The following RBFOX3 variants were observed in gnomAD, a reference collection of about 807,000 sequenced individuals.
RBFOX3 encodes the protein RNA binding fox-1 homolog 3, also known as RNA binding protein fox-1 homolog 3.
In RBFOX3, 17 loss-of-function variants were observed where a neutral mutation model predicts 48.7. The observed-to-expected ratio is 0.35, with a 90% CI of 0.24 to 0.52. The LOEUF is 0.52. Ranked by LOEUF, RBFOX3 falls within the 20% of genes least tolerant of loss-of-function variation. RBFOX3 has a pLI of 0.94. For missense variants in RBFOX3, 382 were observed against 497.5 expected, an observed-to-expected ratio of 0.77 and a Z score of 2.21; for synonymous variants, 212 against 209.5, an observed-to-expected ratio of 1.01 and a Z score of -0.10.
At chr17:79,563,300 C>T (rs1046491999) in intron 1 of RBFOX3, among the ~76,000 whole-genome samples, 1 of 152,174 alleles carries the variant, frequency 6.6e-6, no homozygotes, top group Non-Finnish European at 1.5e-5. Context: ...CAGAGGCTGA[C>T]TCATCTATTG....
At chr17:79,178,422 C>T (rs1362927211) in intron 4 of RBFOX3, among the ~76,000 whole-genome samples, 3 of 152,186 alleles carry the variant, frequency 2.0e-5, no homozygotes, top group Non-Finnish European at 4.4e-5. Flanking sequence ...GGAAAAGGAC[C>T]AGAACTTCCT....
At chr17:79,247,101 C>A (rs1380677750) in intron 3 of RBFOX3, among the ~76,000 whole-genome samples, 7 of 152,122 alleles carry the variant, frequency 4.6e-5, no homozygotes, top group Non-Finnish European at 1.0e-4. Flanking sequence ...AATCCGTCTC[C>A]ATCAACCTAC....
At chr17:79,404,229 C>T (rs897608233) in intron 2 of RBFOX3, among the ~76,000 whole-genome samples, 5 of 152,198 alleles carry the variant, frequency 3.3e-5, no homozygotes, top group African/African-American at 7.2e-5. Flanking sequence ...GACTGAGGCC[C>T]GTGAGGACAG....
chr17:79,559,676 T>C (rs1198362756), intron 1 of RBFOX3, among the ~76,000 whole-genome samples: 1 of 128,700 alleles, frequency 7.8e-6, no homozygotes, highest in Non-Finnish European at 1.6e-5. Flanking sequence ...GGTGGGTGGA[T>C]GGATGAGTGG....
chr17:79,596,652 G>A (rs1334505600), intron 1 of RBFOX3, among the ~76,000 whole-genome samples: 2 of 152,222 alleles, frequency 1.3e-5, no homozygotes, highest in African/African-American at 2.4e-5. Flanking sequence ...AGGTGCTCTG[G>A]GAAGACATGG....
At chr17:79,417,328 A>G (rs2065537971) in intron 2 of RBFOX3, among the ~76,000 whole-genome samples, 1 of 152,160 alleles carries the variant, frequency 6.6e-6, no homozygotes, top group African/African-American at 2.4e-5. Context: ...AGCTCTCAGG[A>G]AAGAAGGGGC....
intron 2 of RBFOX3, among the ~76,000 whole-genome samples, chr17:79,414,722 G>C (rs1324498589): frequency 6.6e-5 from 10 of 152,242 alleles, no homozygotes; most frequent in Non-Finnish European, 8.8e-5. Flanking sequence ...AAGAGGATGG[G>C]CACCTGGGAA....
At chr17:79,475,209 C>T (rs1367145362) in intron 2 of RBFOX3, among the ~76,000 whole-genome samples, 2 of 152,146 alleles carry the variant, frequency 1.3e-5, no homozygotes, top group African/African-American at 2.4e-5. Context: ...CCTCCCTCTC[C>T]ACTAGGTCTG....
rs76859716 is a variant in RBFOX3 at position 79,100,863 on chromosome 17, C to T, written c.568+721G>A. ...CGGCAGATCCATCTCCAAGGAAGAC[C>T]GGCCACCTCCGTTTGCAGTGGGGTG... On this transcript the variant is annotated intron_variant, in intron 9 of 14. Coordinates refer to ENST00000693108, the MANE Select transcript of RBFOX3 (RefSeq NM_001350451.2). Among the ~76,000 whole-genome samples the T allele has an allele frequency of 2.0e-3, 299 of 152,288 alleles. 2 individuals are homozygous for T. Among genetic ancestry groups the T allele is most frequent in the African/African-American group, 6.7e-3 (279 of 41,552 alleles).
At chr17:79,327,172 C>A (rs922546982) in intron 2 of RBFOX3, among the ~76,000 whole-genome samples, 1 of 152,370 alleles carries the variant, frequency 6.6e-6, no homozygotes, top group Admixed American at 6.5e-5. Flanking sequence ...CTCTGTGGTT[C>A]CAGATCTTCT....
At chr17:79,139,022 CCTCA>C in intron 4 of RBFOX3, among the ~76,000 whole-genome samples, 1 of 148,954 alleles carries the variant, frequency 6.7e-6, no homozygotes, top group East Asian at 2.0e-4. Context: ...GCGTTCATGC[CCTCA>C]CCCACACACG....
chr17:79,440,973 C>G (rs1334005195), intron 2 of RBFOX3, among the ~76,000 whole-genome samples: 3 of 152,234 alleles, frequency 2.0e-5, no homozygotes, highest in Non-Finnish European at 4.4e-5. Context: ...AGTTGCCGCA[C>G]AGGCTGGAAA....
At chr17:79,372,148 T>C (rs917600076) in intron 2 of RBFOX3, among the ~76,000 whole-genome samples, 39 of 152,074 alleles carry the variant, frequency 2.6e-4, no homozygotes, top group African/African-American at 9.4e-4. Flanking sequence ...CGCTGCCCGG[T>C]GCTGTGAGGG....
At chr17:79,580,150 T>A (rs1386332481) in intron 1 of RBFOX3, among the ~76,000 whole-genome samples, 1 of 151,896 alleles carries the variant, frequency 6.6e-6, no homozygotes, top group Non-Finnish European at 1.5e-5. Context: ...GCTTCTGTGC[T>A]CCGTCCTCCC....
At chr17:79,324,141 C>T (rs1387904458) in intron 2 of RBFOX3, among the ~76,000 whole-genome samples, 1 of 152,206 alleles carries the variant, frequency 6.6e-6, no homozygotes, top group African/African-American at 2.4e-5. Context: ...GACTGCCACC[C>T]TCTCAGGGCC....
intron 2 of RBFOX3, among the ~76,000 whole-genome samples, chr17:79,435,197 C>G (rs1447951327): frequency 6.6e-6 from 1 of 152,194 alleles, no homozygotes; most frequent in African/African-American, 2.4e-5. Context: ...TGCCTCTGGC[C>G]TGCCTGCTGG....
At chr17:79,159,833 T>G (rs1461896995) in intron 4 of RBFOX3, among the ~76,000 whole-genome samples, 1 of 152,096 alleles carries the variant, frequency 6.6e-6, no homozygotes, top group African/African-American at 2.4e-5. Context: ...CTGAGGAGGG[T>G]GAGGACAGGT....
rs1277119345 is a variant in RBFOX3, at chr17:79,243,146, A to C, written c.-73-7341T>G. ...CAAACATCAAATCTGAAGCTTGGGGAAGTGAAGCAGATTGCCCTAAATGCC... is the reference window on the plus strand; with the variant it reads ...CAAACATCAAATCTGAAGCTTGGGGCAGTGAAGCAGATTGCCCTAAATGCC... On this transcript the variant is annotated intron_variant, in intron 3 of 14. Transcript: ENST00000693108. This position sits in a 1 kb window ranked among gnomAD's most constrained non-coding sequence, Gnocchi z 7.9. 6.6e-6 allele frequency among the ~76,000 whole-genome samples: 1 copy of C among 152,082 alleles called. No homozygotes were observed. Among genetic ancestry groups the C allele is most frequent in the Non-Finnish European group, 1.5e-5 (1 of 68,020 alleles).
At chr17:79,407,868 G>A (rs935048685) in intron 2 of RBFOX3, among the ~76,000 whole-genome samples, 4 of 152,160 alleles carry the variant, frequency 2.6e-5, no homozygotes, top group Admixed American at 6.5e-5. Flanking sequence ...ACAGAGAATC[G>A]TTCTTTTACT....
Sources: gnomAD v4.1 joint callset for allele counts (sites outside exome capture counted in the v4.1 genomes callset) on GRCh38, gnomAD v4.1.1 for gene constraint, Gnocchi (gnomAD v3.1) non-coding constraint, MANE v1.5 for transcripts, NCBI Gene and HGNC (gene_info 2026-07-23, HGNC 2026-07-21) for gene names.